The following GKAP1 variants were observed in gnomAD, a reference collection of about 807,000 sequenced individuals.
GKAP1 encodes the protein G kinase-anchoring protein 1.
Under a neutral mutation model 56.7 loss-of-function variants are expected in GKAP1, and 31 were observed. The ratio of observed to expected loss-of-function variants is 0.55; its 90% CI spans 0.41 to 0.74. GKAP1 has a LOEUF of 0.74. Among genes scored for constraint, GKAP1 ranks in the 30% least tolerant of loss-of-function variants. The probability of loss-of-function intolerance (pLI) is 0.00; values close to 1 mark genes in which losing one functional copy is unlikely to be tolerated. For missense variants in GKAP1, 364 were observed against 402.3 expected (o/e 0.90, Z 0.82); for synonymous variants, 151 against 138.6 (o/e 1.09, Z -0.63).
intron 2 of GKAP1, among the ~76,000 whole-genome samples, chr9:83,810,087 C>T (rs963124432): frequency 3.3e-5 from 5 of 152,208 alleles, no homozygotes; most frequent in Admixed American, 6.5e-5. Flanking sequence ...GCTGGGATTA[C>T]AGGCATGAGC....
intron 10 of GKAP1, among the ~76,000 whole-genome samples, chr9:83,744,523 A>G (rs1013254763): frequency 6.6e-6 from 1 of 152,226 alleles, no homozygotes; most frequent in Non-Finnish European, 1.5e-5. Context: ...TCTTCAAGGT[A>G]AAGTGCCATA....
chr9:83,772,162 T>A (rs1943774367), intron 7 of GKAP1, among the ~76,000 whole-genome samples: 1 of 152,096 alleles, frequency 6.6e-6, no homozygotes, highest in South Asian at 2.1e-4. Flanking sequence ...TCTAGCCAAT[T>A]CAATTTCAGT....
At chr9:83,795,949 C>A (rs1944239484) in intron 4 of GKAP1, among the ~76,000 whole-genome samples, 1 of 152,110 alleles carries the variant, frequency 6.6e-6, no homozygotes, top group Non-Finnish European at 1.5e-5. Context: ...AAGTAGCCAG[C>A]CTGATTCTTC....
At chr9:83,752,947 T>C (rs1465916056) in intron 9 of GKAP1, among the ~76,000 whole-genome samples, 1 of 151,910 alleles carries the variant, frequency 6.6e-6, no homozygotes, top group Non-Finnish European at 1.5e-5. Flanking sequence ...GGCTCATGCT[T>C]GTAATCCCAG....
intron 10 of GKAP1, among the ~76,000 whole-genome samples, chr9:83,743,215 A>G (rs531109400): frequency 1.2e-4 from 19 of 152,270 alleles, no homozygotes; most frequent in African/African-American, 4.1e-4. Context: ...ATTAATTTTT[A>G]TATCTACTCT....
chr9:83,759,049 A>G (rs886890057), intron 8 of GKAP1, among the ~76,000 whole-genome samples: 3 of 152,104 alleles, frequency 2.0e-5, no homozygotes, highest in Non-Finnish European at 4.4e-5. Flanking sequence ...AATTTTATGT[A>G]CGACACATTA....
rs182202696 is a variant in GKAP1, at chr9:83,812,813, C to T, written c.-44+4183G>A. Among the ~76,000 whole-genome samples the T allele has an allele frequency of 1.6e-4, 24 of 152,232 alleles. No homozygotes were observed. The East Asian group carries it at 3.3e-3, about 21-fold the overall frequency. On this transcript the variant is annotated intron_variant, in intron 2 of 12. Coordinates refer to ENST00000376371, the MANE Select transcript of GKAP1 (RefSeq NM_025211.4). Reference sequence around the variant, plus strand: ...CTACAGGTCAGAATTGACAATGAGACGCCTTTGGCCATTCACATCAGTGAC... The same window carrying T: ...CTACAGGTCAGAATTGACAATGAGATGCCTTTGGCCATTCACATCAGTGAC...
Position 83,782,785 on chromosome 9 carries a change from G to T in GKAP1, c.562+1930C>A, listed in dbSNP as rs564596614. 2.0e-5 allele frequency among the ~76,000 whole-genome samples: 3 copies of T among 149,238 alleles called. No homozygotes were observed. In the East Asian group the frequency reaches 6.0e-4, roughly 30 times the overall value. On this transcript the variant is annotated intron_variant, in intron 6 of 12. Coordinates refer to ENST00000376371, the MANE Select transcript of GKAP1 (RefSeq NM_025211.4). ...CGGTTCAATAGATTCTCCTGCCTCAGCCTCTGGAGTAGCTGGGATTACAGG... is the reference window on the plus strand; with the variant it reads ...CGGTTCAATAGATTCTCCTGCCTCATCCTCTGGAGTAGCTGGGATTACAGG...
chr9:83,811,358 A>G (rs1944503356), intron 2 of GKAP1, among the ~76,000 whole-genome samples: 1 of 152,236 alleles, frequency 6.6e-6, no homozygotes, highest in South Asian at 2.1e-4. Context: ...GATTACACAT[A>G]ACATACTACG....
chr9:83,788,720 C>T, intron 4 of GKAP1, 42 bp from the exon 5 acceptor site: 2 of 1,229,122 alleles, frequency 1.6e-6, no homozygotes, highest in Non-Finnish European at 2.4e-6. Context: ...AGTATCATTA[C>T]ATCACATGAG....
In GKAP1 at chr9:83,745,801, T is replaced by A. The variant is rs1387655815; in HGVS notation, c.904+2508A>T. Among the ~76,000 whole-genome samples the A allele has an allele frequency of 2.0e-5, 3 of 152,070 alleles. No homozygotes were observed. In the East Asian group the frequency reaches 5.8e-4, roughly 29 times the overall value. The stretch of plus-strand genomic sequence containing the variant: ...AAATAATATTTTTCCCCGTATTTTT[T>A]TTTTTTTGAGACAAAGTCTCACTCT... On this transcript the variant is annotated intron_variant, in intron 10 of 12. Coordinates refer to ENST00000376371, the MANE Select transcript of GKAP1 (RefSeq NM_025211.4).
intron 8 of GKAP1, among the ~76,000 whole-genome samples, chr9:83,755,429 T>G (rs1313042283): frequency 6.6e-6 from 1 of 152,170 alleles, no homozygotes; most frequent in African/African-American, 2.4e-5. Flanking sequence ...TTATCAAAGA[T>G]TTTGCTTTAT....
chr9:83,742,608 A>G lies in GKAP1; in HGVS notation c.905-8T>C. 1 of 1,605,900 alleles carries G rather than the reference A, an allele frequency of 6.2e-7. No individual in the cohort carries two copies. The highest frequency in any genetic ancestry group is 8.5e-7 in the Non-Finnish European group (1 of 1,174,584). Reference sequence around the variant, plus strand: ...TTTCTGCCTTATCTTTCACTGACAAAAAAGGAAAAACAGCAGTATAGATTT... The same window carrying G: ...TTTCTGCCTTATCTTTCACTGACAAGAAAGGAAAAACAGCAGTATAGATTT... On this transcript the variant is annotated splice_polypyrimidine_tract_variant and splice_region_variant and intron_variant, in intron 10 of 12. Transcript: ENST00000376371.
At chr9:83,806,613 G>A in intron 2 of GKAP1, 53 bp from the exon 3 acceptor site, 1 of 1,003,416 alleles carries the variant, frequency 1.0e-6, no homozygotes, top group South Asian at 1.6e-5. Flanking sequence ...AGTAAAATCT[G>A]TTGTAGATTC....
chr9:83,763,567 A>T (rs775087987), intron 8 of GKAP1, among the ~76,000 whole-genome samples: 44 of 152,186 alleles, frequency 2.9e-4, no homozygotes, highest in Non-Finnish European at 6.5e-4. Flanking sequence ...AAAAATTAAA[A>T]TTTCTTTAAA....
chr9:83,798,791 C>T lies in GKAP1; in HGVS notation c.360+394G>A, dbSNP rs566225987. 2.6e-5 allele frequency among the ~76,000 whole-genome samples: 4 copies of T among 152,230 alleles called. No homozygotes were observed. In the South Asian group the frequency reaches 8.3e-4, roughly 32 times the overall value. On this transcript the variant is annotated intron_variant, in intron 4 of 12. Coordinates refer to ENST00000376371, the MANE Select transcript of GKAP1 (RefSeq NM_025211.4). Reference sequence around the variant, plus strand: ...TCAGACTCCCAAATTGCTGGGATTACAGGTGTGAGCCACCTGTAGGCTGTA... The same window carrying T: ...TCAGACTCCCAAATTGCTGGGATTATAGGTGTGAGCCACCTGTAGGCTGTA...
intron 4 of GKAP1, among the ~76,000 whole-genome samples, chr9:83,790,379 G>A (rs753744710): frequency 2.6e-5 from 4 of 152,058 alleles, no homozygotes; most frequent in Non-Finnish European, 5.9e-5. Context: ...GGTATTCAAT[G>A]GTTATAAGGT....
Position 83,753,302 on chromosome 9 carries a change from C to G in GKAP1, c.796G>C (p.Asp266His), listed in dbSNP as rs745343066. The G allele has an allele frequency of 1.1e-4, 184 of 1,611,626 alleles. 1 individual carries two copies. Among genetic ancestry groups the G allele is most frequent in the Non-Finnish European group, 7.6e-6 (9 of 1,178,406 alleles). ...ERLKLELERK[D>H]AEIQKLKNVI... ...TTTTTCAGCTTCTGGATTTCAGCAT[C>G]TTTCCTTTCAAGCTCTAACTTTAGT... Residue 266 changes from aspartate to histidine, a missense_variant, in exon 9 of 13, where the codon GAT becomes CAT. Asp to His is a moderately conservative substitution (Grantham distance 81). Coordinates refer to ENST00000376371, the MANE Select transcript of GKAP1 (RefSeq NM_025211.4).
intron 6 of GKAP1, among the ~76,000 whole-genome samples, chr9:83,783,238 GCT>G (rs1944007293): frequency 2.0e-5 from 3 of 152,090 alleles, no homozygotes; most frequent in African/African-American, 4.8e-5. Flanking sequence ...CAAATAAAAT[GCT>G]CTGTCAATGA....
Sources: gnomAD v4.1 joint callset for allele counts (sites outside exome capture counted in the v4.1 genomes callset) on GRCh38, gnomAD v4.1.1 for gene constraint, MANE v1.5 for transcripts, NCBI Gene and HGNC (gene_info 2026-07-23, HGNC 2026-07-21) for gene names.